JARID2: variants seen among roughly 807,000 people sequenced by gnomAD.
JARID2 encodes jumonji and AT-rich interaction domain containing 2.
A neutral mutation model predicts 125.6 loss-of-function variants in JARID2; 21 were observed. The observed-to-expected ratio is 0.17, with a 90% CI of 0.12 to 0.24. JARID2 has a LOEUF of 0.24. JARID2 is among the 10% of genes least tolerant of loss of function. JARID2 has a pLI of 1.00. For synonymous variants in JARID2, 736 were observed against 661.6 expected (o/e 1.11, Z -1.73); for missense variants, 1,303 against 1,639.6 (o/e 0.79, Z 3.55).
intron 3 of JARID2, among the ~76,000 whole-genome samples, chr6:15,428,778 C>CA (rs1418243905): frequency 1.3e-5 from 2 of 151,958 alleles, no homozygotes; most frequent in Admixed American, 1.3e-4. Flanking sequence ...TGGTGGCACA[C>CA]ACGTGTAATC....
At chr6:15,373,709 A>G (rs557083526) in intron 1 of JARID2, among the ~76,000 whole-genome samples, 1 of 152,224 alleles carries the variant, frequency 6.6e-6, no homozygotes, top group African/African-American at 2.4e-5. Context: ...AGCTCCGTAC[A>G]TATTTCTGTT....
At chr6:15,269,505 A>C (rs2127349519) in intron 1 of JARID2, among the ~76,000 whole-genome samples, 1 of 151,590 alleles carries the variant, frequency 6.6e-6, no homozygotes, top group East Asian at 1.9e-4. Flanking sequence ...AGTAGCTGGG[A>C]CCACAGGTGC....
chr6:15,339,095 C>T (rs960824340), intron 1 of JARID2, among the ~76,000 whole-genome samples: 8 of 152,012 alleles, frequency 5.3e-5, no homozygotes, highest in Non-Finnish European at 8.8e-5. Flanking sequence ...TAATGGATGA[C>T]CTTAAATGGG....
At chr6:15,333,192 A>G (rs1288713260) in intron 1 of JARID2, among the ~76,000 whole-genome samples, 5 of 152,062 alleles carry the variant, frequency 3.3e-5, no homozygotes, top group African/African-American at 1.2e-4. Context: ...TCGGCCTCCC[A>G]AAGTGCTGGG....
rs1351841609 is a variant in JARID2 at position 15,496,696 on chromosome 6, G to C, written c.1471G>C (p.Glu491Gln). 4 of 1,613,276 alleles carry C rather than the reference G, an allele frequency of 2.5e-6. No homozygotes were observed. In the African/African-American group the frequency reaches 5.3e-5, roughly 22 times the overall value. The part of the protein sequence containing the change: ...LNGHVKKEVP[E>Q]RSLERNRPKR... ...CGGACACGTGAAGAAGGAAGTGCCG[G>C]AGCGCAGTCTGGAGAGGAATCGGCC... is the stretch of plus-strand genomic sequence containing the variant. Residue 491 changes from glutamate (E) to glutamine (Q), a missense_variant, in exon 7 of 18, where the codon GAG (glutamate) becomes CAG (glutamine). Transcript: ENST00000341776.
intron 1 of JARID2, among the ~76,000 whole-genome samples, chr6:15,301,264 T>G (rs919283229): frequency 6.6e-6 from 1 of 152,202 alleles, no homozygotes; most frequent in Non-Finnish European, 1.5e-5. Flanking sequence ...ATTTTTTTCT[T>G]TTTTCACAGA....
intron 3 of JARID2, among the ~76,000 whole-genome samples, chr6:15,426,478 A>G (rs1300294034): frequency 6.6e-6 from 1 of 152,186 alleles, no homozygotes; most frequent in Non-Finnish European, 1.5e-5. Flanking sequence ...ATGACCAAGA[A>G]CCCAGGTAGT....
rs567266381 is a variant in JARID2, at chr6:15,371,637, A to G, written c.46-2480A>G. ...CATGCTTTTCATGTGTTGTGGTGTC[A>G]AGTCAGTTGCATTTTACTCAGGTTG... On this transcript the variant is annotated intron_variant, in intron 1 of 17. Coordinates refer to ENST00000341776, the MANE Select transcript of JARID2 (RefSeq NM_004973.4). Among the ~76,000 whole-genome samples the G allele has an allele frequency of 2.0e-5, 3 of 152,316 alleles. No individual in the cohort carries two copies. The South Asian group carries it at 6.2e-4, about 32-fold the overall frequency.
chr6:15,495,725 C>T (rs938666899), intron 6 of JARID2, among the ~76,000 whole-genome samples: 1 of 152,168 alleles, frequency 6.6e-6, no homozygotes, highest in Non-Finnish European at 1.5e-5. Flanking sequence ...CCACTTCCCC[C>T]AAGGAAGCAG....
intron 3 of JARID2, 77 bp downstream of exon 3, chr6:15,410,442 T>C (rs375833652): frequency 7.0e-7 from 1 of 1,434,228 alleles, no homozygotes; most frequent in East Asian, 2.3e-5. Context: ...CACCACATGA[T>C]AACGTGAGCC....
intron 1 of JARID2, among the ~76,000 whole-genome samples, chr6:15,276,218 T>C (rs1366803342): frequency 1.3e-5 from 2 of 152,216 alleles, no homozygotes; most frequent in African/African-American, 4.8e-5. Flanking sequence ...TTTGTGTTAG[T>C]GCCTCTCCTC....
intron 1 of JARID2, among the ~76,000 whole-genome samples, chr6:15,359,419 C>G (rs956129678): frequency 2.6e-5 from 4 of 152,158 alleles, no homozygotes; most frequent in African/African-American, 9.7e-5. Flanking sequence ...GTTCATTTCA[C>G]TGCCACACAC....
At chr6:15,515,925 C>T (rs1344267447) in intron 16 of JARID2, among the ~76,000 whole-genome samples, 1 of 150,532 alleles carries the variant, frequency 6.6e-6, no homozygotes, top group Non-Finnish European at 1.5e-5. Flanking sequence ...GTCCCAGCTA[C>T]TCGGGAGGTG....
At chr6:15,389,587 G>A (rs1196050590) in intron 2 of JARID2, among the ~76,000 whole-genome samples, 1 of 152,168 alleles carries the variant, frequency 6.6e-6, no homozygotes, top group Non-Finnish European at 1.5e-5. Context: ...ATTTGAAAGG[G>A]CCTTCCAGTT....
At chr6:15,360,467 G>T (rs1763753463) in intron 1 of JARID2, among the ~76,000 whole-genome samples, 1 of 152,130 alleles carries the variant, frequency 6.6e-6, no homozygotes, top group Non-Finnish European at 1.5e-5. Flanking sequence ...ACAGGAGTGA[G>T]CCACTGTGCC....
chr6:15,474,752 A>G (rs1249849695), intron 5 of JARID2, among the ~76,000 whole-genome samples: 1 of 149,488 alleles, frequency 6.7e-6, no homozygotes, highest in African/African-American at 2.4e-5. Context: ...AAGGTTCCCA[A>G]CTAAAATTTT....
At chr6:15,462,733 A>G (rs1561879168) in intron 4 of JARID2, among the ~76,000 whole-genome samples, 2 of 152,242 alleles carry the variant, frequency 1.3e-5, no homozygotes, top group Admixed American at 6.5e-5. Flanking sequence ...GGGTCTTTCC[A>G]AAATACAGCC....
rs1257305428 is a variant in JARID2 at position 15,496,557 on chromosome 6, G to A, written c.1332G>A (p.Leu444=). Residue 444 remains leucine (L), a synonymous_variant, in exon 7 of 18, where the codon CTG becomes CTA. Coordinates refer to ENST00000341776, the MANE Select transcript of JARID2 (RefSeq NM_004973.4). ...GGCTGCGGAACTCCAAGAGGAGACT[G>A]GAAGAGGCACACCAGGCGGAGAAGC... is the stretch of plus-strand genomic sequence containing the variant. ...REGLRNSKRR[L]EEAHQAEKPQ... The A allele has an allele frequency of 6.2e-7, 1 of 1,607,124 alleles. No homozygotes were observed. The highest frequency in any genetic ancestry group is 8.5e-7 in the Non-Finnish European group (1 of 1,177,872).
chr6:15,407,478 A>C (rs1765698873), intron 2 of JARID2, among the ~76,000 whole-genome samples: 1 of 152,190 alleles, frequency 6.6e-6, no homozygotes, highest in Non-Finnish European at 1.5e-5. Context: ...TTACTTGCTA[A>C]ATCATTTGTT....
Sources: allele counts gnomAD v4.1 joint callset (sites outside exome capture counted in the v4.1 genomes callset), GRCh38; gene constraint gnomAD v4.1.1; transcripts MANE v1.5; gene names NCBI Gene and HGNC (gene_info 2026-07-23, HGNC 2026-07-21).